PLD1: variants seen among roughly 807,000 people sequenced by gnomAD.
PLD1 encodes the protein choline phosphatase 1.
Under a neutral mutation model 137.1 loss-of-function variants are expected in PLD1, and 112 were observed. The observed-to-expected ratio is 0.82, with a 90% CI of 0.70 to 0.96. The LOEUF is 0.96. PLD1 is among the 40% of genes least tolerant of loss of function. The probability of loss-of-function intolerance (pLI) is 0.00; values close to 1 mark genes in which losing one functional copy is unlikely to be tolerated. For missense variants in PLD1, 1,321 were observed against 1,342.0 expected (o/e 0.98, Z 0.24); for synonymous variants, 431 against 454.7 (o/e 0.95, Z 0.66).
intron 1 of PLD1, among the ~76,000 whole-genome samples, chr3:171,767,246 C>A (rs76552019): frequency 6.6e-6 from 1 of 152,184 alleles, no homozygotes; most frequent in Admixed American, 6.5e-5. Context: ...ATTCTCCATA[C>A]GGCCTGGCCA....
At chr3:171,650,447 G>C (rs1485824808) in intron 21 of PLD1, among the ~76,000 whole-genome samples, 1 of 152,194 alleles carries the variant, frequency 6.6e-6, no homozygotes, top group Non-Finnish European at 1.5e-5. Context: ...GCAGATGCCA[G>C]AACAGGCCGG....
intron 1 of PLD1, among the ~76,000 whole-genome samples, chr3:171,808,717 T>C (rs1240721338): frequency 6.6e-6 from 1 of 151,542 alleles, no homozygotes; most frequent in Non-Finnish European, 1.5e-5. Flanking sequence ...TCTACAAACC[T>C]AAATGAGCAT....
chr3:171,808,815 A>ATTTTTTTTTTTTTTTTTTTTTTTTTTTT (rs60146546), intron 1 of PLD1, among the ~76,000 whole-genome samples: 3 of 86,236 alleles, frequency 3.5e-5, no homozygotes, highest in African/African-American at 9.7e-5. Context: ...TTAGCATTCA[A>ATTTTTTTTTTTTTTTTTTTTTTTTTTTT]TTTTTTTTTT....
At chr3:171,765,545 A>G (rs1169008195) in intron 1 of PLD1, 1 of 152,228 alleles carries the variant, frequency 6.6e-6, no homozygotes, top group African/African-American at 2.4e-5. Context: ...AAGTGTGTGA[A>G]AACGAGCAGA....
intron 21 of PLD1, among the ~76,000 whole-genome samples, chr3:171,650,394 G>A (rs1352155145): frequency 6.6e-6 from 1 of 152,192 alleles, no homozygotes; most frequent in East Asian, 1.9e-4. Context: ...TGGTAGAGAG[G>A]CAGGCCTGAA....
intron 23 of PLD1, among the ~76,000 whole-genome samples, chr3:171,635,525 A>G (rs1432913769): frequency 6.6e-6 from 1 of 152,000 alleles, no homozygotes; most frequent in East Asian, 1.9e-4. Flanking sequence ...AGTGATATTG[A>G]GTTTTCTTTT....
chr3:171,729,670 C>A (rs1374778269), intron 6 of PLD1, among the ~76,000 whole-genome samples: 1 of 152,210 alleles, frequency 6.6e-6, no homozygotes, highest in African/African-American at 2.4e-5. Context: ...ATGAAGGAAA[C>A]TGGGAGGCTG....
chr3:171,672,882 G>A (rs959145391), intron 19 of PLD1, among the ~76,000 whole-genome samples: 50 of 152,342 alleles, frequency 3.3e-4, no homozygotes, highest in African/African-American at 1.2e-3. Flanking sequence ...AGCAGGATGA[G>A]ACTATGTGAG....
At chr3:171,782,140 A>G (rs570728538) in intron 1 of PLD1, among the ~76,000 whole-genome samples, 2 of 152,364 alleles carry the variant, frequency 1.3e-5, no homozygotes, top group Non-Finnish European at 2.9e-5. Flanking sequence ...AAAAGAGTAC[A>G]TACATTGTAT....
chr3:171,749,062 C>T (rs552735490), intron 1 of PLD1, among the ~76,000 whole-genome samples: 39 of 152,110 alleles, frequency 2.6e-4, no homozygotes, highest in African/African-American at 8.7e-4. Context: ...TACATATGCT[C>T]CATTTCTACT....
intron 12 of PLD1, among the ~76,000 whole-genome samples, chr3:171,697,237 C>CTTTTTTTTGTTTTTTTTT (rs1715795761): frequency 1.0e-5 from 1 of 97,316 alleles, no homozygotes. Context: ...TTCCGGACAC[C>CTTTTTTTTGTTTTTTTTT]TTTTTTTTTT....
intron 1 of PLD1, among the ~76,000 whole-genome samples, chr3:171,794,183 T>C (rs775756821): frequency 2.6e-5 from 4 of 151,916 alleles, no homozygotes; most frequent in Non-Finnish European, 5.9e-5. Context: ...ATAAGATATT[T>C]TGAGAGAGAG....
chr3:171,679,019 G>A (rs1321412960), intron 16 of PLD1, among the ~76,000 whole-genome samples: 1 of 149,908 alleles, frequency 6.7e-6, no homozygotes, highest in Non-Finnish European at 1.5e-5. Flanking sequence ...GCAGTCACTA[G>A]CACTGCTGTC....
At position 171,602,248 on chromosome 3, in the gene PLD1, C is replaced by A. The variant is rs75511185; in HGVS notation, c.*830G>T. The A allele has an allele frequency of 9.3e-4, 142 of 152,298 alleles. No homozygotes were observed. The highest frequency in any genetic ancestry group is 3.3e-3 in the African/African-American group (137 of 41,568). 9.4% of individuals were successfully genotyped at this position (152,298 alleles called of 1,614,324 possible). A position where few individuals can be genotyped will look rare whatever the true frequency, so the allele number is the denominator to read the frequency against. ...TCCTCCTCGACACCTTGGGGGTTTC[C>A]GAAGGCTGTGTGCTCTCAGTTTTAG... On this transcript the variant is annotated 3_prime_UTR_variant, in exon 27 of 27. Transcript: ENST00000351298.
At chr3:171,689,075 T>C (rs969945426) in intron 13 of PLD1, among the ~76,000 whole-genome samples, 199 bp from the exon 14 acceptor site, 2 of 152,100 alleles carry the variant, frequency 1.3e-5, no homozygotes, top group Non-Finnish European at 2.9e-5. Context: ...CTATTTACTC[T>C]TCAAGCTCCC....
In PLD1 at chr3:171,738,079, G is replaced by A. The variant is rs766516452; in HGVS notation, c.-28C>T. 3 of 1,589,002 alleles carry A rather than the reference G, an allele frequency of 1.9e-6. No homozygotes were observed. Among genetic ancestry groups the A allele is most frequent in the East Asian group, 2.2e-5 (1 of 44,712 alleles). On this transcript the variant is annotated 5_prime_UTR_variant, in exon 2 of 27. Transcript: ENST00000351298. ...TAACTTTGGACAGAGTAAAAGCAAA[G>A]GGGCTAGGAAAGAAGAAAACGGTTA...
Position 171,645,031 on chromosome 3 carries a change from G to A in PLD1, c.2430-8C>T. The A allele has an allele frequency of 1.3e-6, 2 of 1,558,188 alleles. No homozygotes were observed. Among genetic ancestry groups the A allele is most frequent in the Non-Finnish European group, 1.8e-6 (2 of 1,129,016 alleles). On this transcript the variant is annotated splice_polypyrimidine_tract_variant and splice_region_variant and intron_variant, in intron 21 of 26. Coordinates refer to ENST00000351298, the MANE Select transcript of PLD1 (RefSeq NM_002662.5). Reference sequence around the variant, plus strand: ...CGGTATTTCTGGTTTTCCCTGCAAAGGTCAGATGCAGAGAAATTCACCCAA... The same window carrying A: ...CGGTATTTCTGGTTTTCCCTGCAAAAGTCAGATGCAGAGAAATTCACCCAA...
Position 171,737,613 on chromosome 3 carries a change from C to T in PLD1, c.207G>A (p.Glu69=), listed in dbSNP as rs369521849. The change falls in exon 3 of 27, where the codon GAG becomes GAA. Residue 69 remains glutamate (E), a synonymous_variant. Coordinates refer to ENST00000351298, the MANE Select transcript of PLD1 (RefSeq NM_002662.5). Reference sequence around the variant, plus strand: ...CGGAGAGATACGTCTGTATATTAGGCTCCTTAAATCCTTGAGTGTTATAAA... The same window carrying T: ...CGGAGAGATACGTCTGTATATTAGGTTCCTTAAATCCTTGAGTGTTATAAA... ...SAIYNTQGFK[E]PNIQTYLSGC... The T allele has an allele frequency of 1.2e-6, 2 of 1,601,310 alleles. No individual in the cohort carries two copies. Among genetic ancestry groups the T allele is most frequent in the Non-Finnish European group, 1.7e-6 (2 of 1,169,534 alleles).
chr3:171,695,257 A>G (rs1371231959), intron 12 of PLD1, among the ~76,000 whole-genome samples: 1 of 152,244 alleles, frequency 6.6e-6, no homozygotes, highest in Non-Finnish European at 1.5e-5. Context: ...TAATTCTGCA[A>G]TTTAAAAAAT....
Sources: allele counts gnomAD v4.1 joint callset (sites outside exome capture counted in the v4.1 genomes callset), GRCh38; gene constraint gnomAD v4.1.1; transcripts MANE v1.5; gene names NCBI Gene and HGNC (gene_info 2026-07-23, HGNC 2026-07-21).